The following GRM8 variants were observed in gnomAD, a reference collection of about 807,000 sequenced individuals.
The protein encoded by GRM8 is metabotropic glutamate receptor 8.
A neutral mutation model predicts 87.2 loss-of-function variants in GRM8; 47 were observed. The ratio of observed to expected loss-of-function variants is 0.54; its 90% confidence interval spans 0.43 to 0.69. The LOEUF (loss-of-function observed/expected upper bound fraction) is 0.69. GRM8 is among the 30% of genes least tolerant of loss of function. The pLI is 0.00. For synonymous variants in GRM8, 396 were observed against 404.5 expected (o/e 0.98, Z 0.25); for missense variants, 1,019 against 1,139.2 (o/e 0.89, Z 1.52).
chr7:126,918,569 T>A (rs1348735415), intron 3 of GRM8, among the ~76,000 whole-genome samples: 2 of 152,174 alleles, frequency 1.3e-5, no homozygotes, highest in African/African-American at 4.8e-5. Flanking sequence ...CTGGACTCAA[T>A]AAAATGTAAT....
chr7:126,466,393 A>G (rs1400609638), intron 9 of GRM8, among the ~76,000 whole-genome samples: 2 of 151,950 alleles, frequency 1.3e-5, no homozygotes, highest in African/African-American at 4.8e-5. Context: ...GAAAAAAGAA[A>G]GATTATTTTT....
chr7:127,232,779 T>C (rs994615833), intron 2 of GRM8, among the ~76,000 whole-genome samples: 1 of 152,198 alleles, frequency 6.6e-6, no homozygotes, highest in Non-Finnish European at 1.5e-5. Context: ...CTCTGAACTA[T>C]ATCTTACTTG....
chr7:126,624,207 T>C (rs80169416), intron 7 of GRM8, among the ~76,000 whole-genome samples: 6,886 of 152,276 alleles, frequency 0.045, 514 homozygotes, highest in African/African-American at 0.16. Flanking sequence ...CCATTTCACT[T>C]AGAATAAAAC....
At chr7:126,608,020 C>T (rs978975016) in intron 8 of GRM8, among the ~76,000 whole-genome samples, 1 of 151,970 alleles carries the variant, frequency 6.6e-6, no homozygotes, top group Admixed American at 6.6e-5. Context: ...ACAGAACGTG[C>T]TCCATACTTC....
At chr7:126,960,571 G>A (rs1393727248) in intron 3 of GRM8, among the ~76,000 whole-genome samples, 2 of 152,108 alleles carry the variant, frequency 1.3e-5, no homozygotes, top group African/African-American at 4.8e-5. Flanking sequence ...TCCTATCAGG[G>A]GAGAAGGAGA....
chr7:126,546,112 C>T (rs1180384831), intron 8 of GRM8, among the ~76,000 whole-genome samples: 1 of 152,072 alleles, frequency 6.6e-6, no homozygotes, highest in Non-Finnish European at 1.5e-5. Flanking sequence ...ACAAACAAAA[C>T]ATAAAGATGA....
intron 2 of GRM8, among the ~76,000 whole-genome samples, chr7:127,171,116 G>A (rs1444474094): frequency 6.6e-6 from 1 of 152,168 alleles, no homozygotes; most frequent in Non-Finnish European, 1.5e-5. Flanking sequence ...AAACTTTGGT[G>A]GAGTACTGCA....
At position 126,991,573 on chromosome 7, in the gene GRM8, T is replaced by C. The variant is rs534013752; in HGVS notation, c.728-86890A>G. 3.9e-5 allele frequency among the ~76,000 whole-genome samples: 6 copies of C among 152,236 alleles called. No individual in the cohort carries two copies. In the South Asian group the frequency reaches 1.2e-3, roughly 32 times the overall value. ...TAAACCTTTTTAAAAAGGATTTGAG[T>C]CGACTTACAACAAAAGACATAAATA... On this transcript the variant is annotated intron_variant, in intron 3 of 10. Transcript: ENST00000339582.
intron 3 of GRM8, among the ~76,000 whole-genome samples, chr7:126,999,750 G>A (rs932010511): frequency 6.6e-6 from 1 of 151,766 alleles, no homozygotes; most frequent in African/African-American, 2.4e-5. Flanking sequence ...ATGCTGGAGA[G>A]AATGTCAAGA....
chr7:127,079,011 A>T (rs925734432), intron 3 of GRM8, among the ~76,000 whole-genome samples: 6 of 152,364 alleles, frequency 3.9e-5, no homozygotes, highest in African/African-American at 1.4e-4. Context: ...TTTTGATCTC[A>T]TCTTCCAGAT....
intron 3 of GRM8, among the ~76,000 whole-genome samples, chr7:126,983,878 A>AAAG (rs1811782556): frequency 6.6e-6 from 1 of 152,222 alleles, no homozygotes; most frequent in Non-Finnish European, 1.5e-5. Flanking sequence ...CAGAATGGGT[A>AAAG]GGAGAAGAGT....
chr7:126,596,268 G>A (rs62477881), intron 8 of GRM8, among the ~76,000 whole-genome samples: 46,984 of 152,030 alleles, frequency 0.31, 8,131 homozygotes, highest in East Asian at 0.44. Context: ...ATTTACTTTT[G>A]CACCAGCAGT....
At chr7:127,091,851 C>T (rs1487581954) in intron 3 of GRM8, among the ~76,000 whole-genome samples, 5 of 100,562 alleles carry the variant, frequency 5.0e-5, no homozygotes, top group East Asian at 3.3e-4. Context: ...CCGGCCGTCC[C>T]GCCAATGACC....
At chr7:127,246,348 GT>G (rs962569505) in intron 1 of GRM8, among the ~76,000 whole-genome samples, 3 of 152,178 alleles carry the variant, frequency 2.0e-5, no homozygotes, top group Non-Finnish European at 4.4e-5. Flanking sequence ...TCTATTGTAT[GT>G]TTTGTGTTTG....
intron 7 of GRM8, among the ~76,000 whole-genome samples, chr7:126,673,045 T>A (rs1028042536): frequency 1.3e-5 from 2 of 152,082 alleles, no homozygotes; most frequent in African/African-American, 2.4e-5. Context: ...CTGGAGAAAC[T>A]CCAAGCGGCC....
chr7:126,815,374 G>A (rs1003642379), intron 6 of GRM8, among the ~76,000 whole-genome samples: 4 of 152,130 alleles, frequency 2.6e-5, no homozygotes, highest in Admixed American at 2.6e-4. Context: ...AATCAGAACA[G>A]TGTTCCCAAC....
intron 2 of GRM8, among the ~76,000 whole-genome samples, chr7:127,150,789 T>C (rs1038642636): frequency 6.6e-6 from 1 of 152,042 alleles, no homozygotes. Context: ...TATTACACAG[T>C]GTGGGCCCAC....
At chr7:126,942,392 G>C (rs529237694) in intron 3 of GRM8, among the ~76,000 whole-genome samples, 1 of 152,206 alleles carries the variant, frequency 6.6e-6, no homozygotes, top group South Asian at 2.1e-4. Flanking sequence ...TGAGGGCTGA[G>C]CCCATATTGC....
In GRM8 at chr7:127,088,634, C is replaced by A. The variant is rs374024715; in HGVS notation, c.727+17862G>T. Reference sequence around the variant, plus strand: ...CTAATTCCCCTGAGAAAGTTACAGTCTACGTAGAACGCAGTGGTGTCAATG... The same window carrying A: ...CTAATTCCCCTGAGAAAGTTACAGTATACGTAGAACGCAGTGGTGTCAATG... On this transcript the variant is annotated intron_variant, in intron 3 of 10. Transcript: ENST00000339582. Among the ~76,000 whole-genome samples the A allele has an allele frequency of 2.6e-5, 4 of 152,342 alleles. 1 individual carries two copies. The highest frequency in any genetic ancestry group is 6.5e-5 in the Admixed American group (1 of 15,306).
Sources: gnomAD v4.1 joint callset for allele counts (sites outside exome capture counted in the v4.1 genomes callset) on GRCh38, gnomAD v4.1.1 for gene constraint, MANE v1.5 for transcripts, NCBI Gene and HGNC (gene_info 2026-07-23, HGNC 2026-07-21) for gene names.